The following DIAPH3 variants were observed in gnomAD, a reference collection of about 807,000 sequenced individuals.
The protein encoded by DIAPH3 is protein diaphanous homolog 3.
Under a neutral mutation model 144.3 loss-of-function variants are expected in DIAPH3, and 117 were observed. The ratio of observed to expected loss-of-function variants is 0.81; its 90% CI spans 0.70 to 0.95. The LOEUF (loss-of-function observed/expected upper bound fraction) is 0.95. Ranked by LOEUF, DIAPH3 falls within the 40% of genes least tolerant of loss-of-function variation. The pLI, the probability that DIAPH3 is intolerant of heterozygous loss-of-function variation, is 0.00. For synonymous variants in DIAPH3, 519 were observed against 488.9 expected (o/e 1.06, Z -0.81); for missense variants, 1,421 against 1,412.7 (o/e 1.01, Z -0.09).
chr13:59,724,500 C>T (rs1413365271), intron 27 of DIAPH3, among the ~76,000 whole-genome samples: 2 of 152,096 alleles, frequency 1.3e-5, no homozygotes, highest in Non-Finnish European at 1.5e-5. Flanking sequence ...TTTCCTTGAG[C>T]CTAAATTCAA....
In DIAPH3 at chr13:59,865,846, C is replaced by A. The variant is rs117717465; in HGVS notation, c.2608-4310G>T. On this transcript the variant is annotated intron_variant, in intron 21 of 27. Coordinates refer to ENST00000400324, the MANE Select transcript of DIAPH3 (RefSeq NM_001042517.2). ...CACATGGTAATAATTTAAATTTAAA[C>A]CCTAAAATAAAAACTAAGCATCTTC... Among the ~76,000 whole-genome samples the A allele has an allele frequency of 1.3e-3, 205 of 151,966 alleles. 4 individuals are homozygous for A. In the East Asian group the frequency reaches 0.033, roughly 24 times the overall value.
chr13:59,847,728 AGACT>A (rs1387253106), intron 22 of DIAPH3, among the ~76,000 whole-genome samples: 3 of 152,232 alleles, frequency 2.0e-5, no homozygotes, highest in East Asian at 3.8e-4. Flanking sequence ...TGTTAAGCAC[AGACT>A]GACTGACTTT....
chr13:59,864,007 T>C (rs538812752), intron 21 of DIAPH3, among the ~76,000 whole-genome samples: 1 of 152,234 alleles, frequency 6.6e-6, no homozygotes, highest in South Asian at 2.1e-4. Context: ...AAGTATACAT[T>C]ATAGTGGAAC....
chr13:60,004,088 A>G (rs2052705625), intron 9 of DIAPH3, among the ~76,000 whole-genome samples: 1 of 152,224 alleles, frequency 6.6e-6, no homozygotes, highest in South Asian at 2.1e-4. Context: ...TATACTTTGC[A>G]GTAAAAGAAT....
At chr13:59,979,940 A>T (rs2050895277) in intron 14 of DIAPH3, among the ~76,000 whole-genome samples, 1 of 151,702 alleles carries the variant, frequency 6.6e-6, no homozygotes, top group South Asian at 2.1e-4. Context: ...AACAAATTAA[A>T]AGTCTAATAG....
chr13:59,771,349 C>CATA (rs2038109439), intron 27 of DIAPH3, among the ~76,000 whole-genome samples: 1 of 152,036 alleles, frequency 6.6e-6, no homozygotes, highest in Admixed American at 6.6e-5. Flanking sequence ...TCTAACACAG[C>CATA]ATAGGTTTAT....
intron 1 of DIAPH3, among the ~76,000 whole-genome samples, chr13:60,154,455 T>C (rs1159065034): frequency 6.6e-6 from 1 of 152,150 alleles, no homozygotes; most frequent in African/African-American, 2.4e-5. Flanking sequence ...CTCATAACGC[T>C]TCTTCTACAA....
chr13:60,071,322 CAG>C (rs1305539423), intron 4 of DIAPH3, among the ~76,000 whole-genome samples: 1 of 152,102 alleles, frequency 6.6e-6, no homozygotes, highest in Admixed American at 6.6e-5. Flanking sequence ...TTGCATTCCT[CAG>C]AGTTCTAGGA....
At chr13:59,762,052 C>CTTTTTTTTTTT (rs35387511) in intron 27 of DIAPH3, among the ~76,000 whole-genome samples, 6 of 59,520 alleles carry the variant, frequency 1.0e-4, no homozygotes, top group African/African-American at 2.8e-4. Context: ...GCGTCAGCAT[C>CTTTTTTTTTTT]TTTTTTTTTT....
intron 5 of DIAPH3, chr13:60,034,848 G>A (rs1392840039): frequency 6.6e-6 from 1 of 152,144 alleles, no homozygotes; most frequent in African/African-American, 2.4e-5. Context: ...TTTTAATAGA[G>A]TAGTTGAATT....
intron 2 of DIAPH3, among the ~76,000 whole-genome samples, chr13:60,116,707 G>A (rs2058713919): frequency 6.6e-6 from 1 of 151,868 alleles, no homozygotes; most frequent in African/African-American, 2.4e-5. Flanking sequence ...CAATAAATGG[G>A]AATAATAAGC....
At chr13:59,883,404 T>TA (rs1340002471) in intron 20 of DIAPH3, among the ~76,000 whole-genome samples, 3 of 152,188 alleles carry the variant, frequency 2.0e-5, no homozygotes. Flanking sequence ...CCCGTCCTAC[T>TA]ATGCAGACTT....
chr13:59,675,131 T>C (rs1321146026), intron 27 of DIAPH3, among the ~76,000 whole-genome samples: 1 of 152,160 alleles, frequency 6.6e-6, no homozygotes, highest in Non-Finnish European at 1.5e-5. Flanking sequence ...GATGGTGCCA[T>C]GATGGCTCAT....
At chr13:59,834,825 T>C (rs543663968) in intron 23 of DIAPH3, among the ~76,000 whole-genome samples, 5 of 151,774 alleles carry the variant, frequency 3.3e-5, no homozygotes, top group Non-Finnish European at 7.4e-5. Context: ...ACTTGATGTT[T>C]TGGGAAATCT....
intron 22 of DIAPH3, among the ~76,000 whole-genome samples, chr13:59,846,682 C>T (rs2042652267): frequency 6.6e-6 from 1 of 152,054 alleles, no homozygotes; most frequent in East Asian, 1.9e-4. Context: ...ATTATAAAAT[C>T]CATTACATGA....
intron 1 of DIAPH3, among the ~76,000 whole-genome samples, chr13:60,158,074 C>T (rs190436616): frequency 4.6e-5 from 7 of 152,182 alleles, no homozygotes; most frequent in African/African-American, 9.7e-5. Context: ...TTAGGGGCTT[C>T]CCTTATGCAA....
intron 1 of DIAPH3, among the ~76,000 whole-genome samples, chr13:60,141,967 T>C (rs2059433881): frequency 1.3e-5 from 2 of 152,072 alleles, no homozygotes; most frequent in African/African-American, 4.8e-5. Context: ...AGGGGAGTGT[T>C]TGCAATAGAA....
At chr13:59,982,844 G>A (rs917710982) in intron 13 of DIAPH3, among the ~76,000 whole-genome samples, 7 of 151,474 alleles carry the variant, frequency 4.6e-5, no homozygotes, top group African/African-American at 9.7e-5. Flanking sequence ...TGTTCCGAAC[G>A]TTAACAGGTC....
At chr13:59,992,216 ATGAT>A in intron 10 of DIAPH3, 30 bp from the exon 11 acceptor site, 2 of 1,546,536 alleles carry the variant, frequency 1.3e-6, no homozygotes, top group Non-Finnish European at 1.8e-6. Context: ...ATTATGATGA[ATGAT>A]TTTGTTTTTA....
Sources: allele counts gnomAD v4.1 joint callset (sites outside exome capture counted in the v4.1 genomes callset), GRCh38; gene constraint gnomAD v4.1.1; transcripts MANE v1.5; gene names NCBI Gene and HGNC (gene_info 2026-07-23, HGNC 2026-07-21).